Variants in PRH1 observed in about 807,000 individuals in gnomAD.
PRH1 encodes proline rich protein HaeIII subfamily 1.
In PRH1, 7 loss-of-function variants were observed where a neutral mutation model predicts 7.9. The ratio of observed to expected loss-of-function variants is 0.89; its 90% confidence interval spans 0.50 to 1.67. The LOEUF (loss-of-function observed/expected upper bound fraction) is 1.67. PRH1 is among the 40% of genes most tolerant of loss of function. PRH1 has a pLI of 0.00. For synonymous variants in PRH1, 45 were observed against 80.8 expected, an observed-to-expected ratio of 0.56 and a Z score of 2.38; for missense variants, 109 against 223.6, an observed-to-expected ratio of 0.49 and a Z score of 3.27.
chr12:10,918,415 A>T (rs546955456), intron 2 of PRH1, among the ~76,000 whole-genome samples: 2 of 152,262 alleles, frequency 1.3e-5, no homozygotes, highest in Admixed American at 1.3e-4. Context: ...CCACATGATC[A>T]AAAATGCAAA....
chr12:11,022,082 A>T, intron 1 of PRH1: 1 of 1,613,954 alleles, frequency 6.2e-7, no homozygotes, highest in South Asian at 1.1e-5. Context: ...TTGATCTTCC[A>T]AGTCACATTT....
intron 1 of PRH1, among the ~76,000 whole-genome samples, chr12:10,985,392 A>G (rs976473422): frequency 2.6e-5 from 4 of 152,048 alleles, no homozygotes; most frequent in African/African-American, 9.7e-5. Flanking sequence ...TAAACTAAAC[A>G]TAAAATTAGA....
chr12:11,079,131 T>C (rs1944413483), intron 1 of PRH1: 1 of 136,244 alleles, frequency 7.3e-6, no homozygotes, highest in Admixed American at 7.4e-5. Flanking sequence ...ATTAATTATG[T>C]AATTAAAATA....
chr12:11,035,882 C>T (rs188629661), intron 1 of PRH1, among the ~76,000 whole-genome samples: 6 of 152,116 alleles, frequency 3.9e-5, no homozygotes, highest in East Asian at 1.9e-4. Context: ...TTAAATTTTA[C>T]GCTGTTTTTG....
At chr12:11,126,358 G>A (rs75967548) in intron 1 of PRH1, among the ~76,000 whole-genome samples, 6 of 84,012 alleles carry the variant, frequency 7.1e-5, no homozygotes, top group African/African-American at 1.8e-4. Context: ...GTAATTATAC[G>A]GAATCATGTT....
At chr12:10,930,518 T>C in intron 2 of PRH1, 1 of 1,488,184 alleles carries the variant, frequency 6.7e-7, no homozygotes, top group South Asian at 1.4e-5. Context: ...GAGTTCTAAT[T>C]AGGAAGCCTT....
chr12:10,936,200 T>G (rs1304957485), intron 2 of PRH1, among the ~76,000 whole-genome samples: 1 of 149,962 alleles, frequency 6.7e-6, no homozygotes. Flanking sequence ...AACTTACTAC[T>G]GGGGAAGACA....
chr12:11,035,911 T>G (rs952585449), intron 1 of PRH1, among the ~76,000 whole-genome samples: 2 of 152,218 alleles, frequency 1.3e-5, no homozygotes, highest in Non-Finnish European at 2.9e-5. Flanking sequence ...TGTTTTGTTT[T>G]TTGAGACGGA....
chr12:11,131,532 CTA>C (rs1339515264), intron 1 of PRH1, among the ~76,000 whole-genome samples: 3 of 152,212 alleles, frequency 2.0e-5, no homozygotes, highest in Non-Finnish European at 4.4e-5. Context: ...TGATAATCAA[CTA>C]GAAAATATCA....
rs540526521 is a variant in PRH1, at chr12:11,134,472, T to C, written n.40-13292A>G. 20 of 548,894 alleles carry C rather than the reference T, an allele frequency of 3.6e-5. No individual in the cohort carries two copies. In the South Asian group the frequency reaches 5.3e-4, roughly 15 times the overall value. 34.0% of individuals were successfully genotyped at this position (548,894 alleles called of 1,614,324 possible). ...GAAAACATTCTTATTTTCAAAACAA[T>C]TCAAATTAACTGACTCATTCACCAT... is the stretch of plus-strand genomic sequence containing the variant. On this transcript the variant is annotated intron_variant and non_coding_transcript_variant, in intron 1 of 1. Coordinates refer to the PRH1 transcript ENST00000541175.
chr12:11,047,140 C>G (rs1942931571), exon 1 of PRH1: 27 of 438,230 alleles, frequency 6.2e-5, no homozygotes, highest in South Asian at 4.1e-4. Flanking sequence ...AAAGCTGGCG[C>G]CTTCTTGTCA....
intron 1 of PRH1, among the ~76,000 whole-genome samples, chr12:11,043,370 C>A (rs1942787888): frequency 6.6e-6 from 1 of 152,126 alleles, no homozygotes; most frequent in East Asian, 1.9e-4. Flanking sequence ...AGACTTTCCT[C>A]TAAGATCTGG....
chr12:10,894,276 C>T (rs1213058850), intron 2 of PRH1, among the ~76,000 whole-genome samples: 1 of 152,116 alleles, frequency 6.6e-6, no homozygotes, highest in East Asian at 1.9e-4. Flanking sequence ...TCAGATTCTA[C>T]AGTACAAGTC....
chr12:11,011,921 C>T (rs7316390), intron 1 of PRH1, among the ~76,000 whole-genome samples: 46,342 of 152,016 alleles, frequency 0.3, 8,932 homozygotes, highest in East Asian at 0.74. Context: ...GAATTTCAGG[C>T]AGGTCATCCA....
At chr12:11,019,104 A>C (rs537678403) in intron 1 of PRH1, among the ~76,000 whole-genome samples, 7 of 152,408 alleles carry the variant, frequency 4.6e-5, no homozygotes, top group East Asian at 1.9e-4. Flanking sequence ...AAGAAAAGCA[A>C]AGATGGTAGT....
intron 1 of PRH1, among the ~76,000 whole-genome samples, chr12:11,014,579 C>T (rs549423115): frequency 6.6e-6 from 1 of 152,146 alleles, no homozygotes; most frequent in Non-Finnish European, 1.5e-5. Flanking sequence ...AAACTGATTC[C>T]TGAGGTCAGC....
At chr12:11,171,459 C>T (rs1329661622) in exon 1 of PRH1, 5 of 1,232,274 alleles carry the variant, frequency 4.1e-6, no homozygotes, top group Middle Eastern at 3.1e-4. Flanking sequence ...CTCCCGCACC[C>T]TGCTCGCCTT....
At chr12:10,942,662 T>C (rs1950421714) in intron 2 of PRH1, among the ~76,000 whole-genome samples, 1 of 152,170 alleles carries the variant, frequency 6.6e-6, no homozygotes, top group South Asian at 2.1e-4. Context: ...AGTAGGACTT[T>C]AGTTCTTCCC....
At chr12:11,014,424 T>C (rs1226477209) in intron 1 of PRH1, among the ~76,000 whole-genome samples, 2 of 152,190 alleles carry the variant, frequency 1.3e-5, no homozygotes, top group Non-Finnish European at 1.5e-5. Context: ...ATAGACTCTC[T>C]GGTGATCTTG....
Sources: gnomAD v4.1 joint callset for allele counts (sites outside exome capture counted in the v4.1 genomes callset) on GRCh38, gnomAD v4.1.1 for gene constraint, MANE v1.5 for transcripts, NCBI Gene and HGNC (gene_info 2026-07-23, HGNC 2026-07-21) for gene names.